Variants in ALPL observed in about 807,000 individuals in gnomAD.
ALPL encodes alkaline phosphatase, tissue-nonspecific isozyme.
ALPL carries 42 observed loss-of-function variants against 51.3 expected under a neutral mutation model. That is an observed-to-expected ratio of 0.82 (90% confidence interval 0.64 to 1.06). ALPL has a LOEUF of 1.06. ALPL is among the 50% of genes least tolerant of loss of function. The pLI is 0.00. For synonymous variants in ALPL, 279 were observed against 296.4 expected (o/e 0.94, Z 0.60); for missense variants, 589 against 709.4 (o/e 0.83, Z 1.93).
intron 4 of ALPL, among the ~76,000 whole-genome samples, chr1:21,562,001 A>T (rs1644492333): frequency 1.3e-5 from 2 of 152,132 alleles, no homozygotes; most frequent in African/African-American, 4.8e-5. Flanking sequence ...CAGTTCATTC[A>T]TTCTTTCCCG....
chr1:21,578,324 C>CA lies in ALPL; in HGVS notation c.*685dup, dbSNP rs960014457. 4.6e-5 allele frequency: 7 copies of CA among 151,752 alleles called. No individual in the cohort carries two copies. The highest frequency in any genetic ancestry group is 1.3e-4 in the Admixed American group (2 of 15,206). 9.4% of individuals were successfully genotyped at this position (151,752 alleles called of 1,614,324 possible). A position where few individuals can be genotyped will look rare whatever the true frequency, so the allele number is the denominator to read the frequency against. On this transcript the variant is annotated 3_prime_UTR_variant, in exon 12 of 12. Coordinates refer to ENST00000374840, the MANE Select transcript of ALPL (RefSeq NM_000478.6). This position sits in a 1 kb window ranked among gnomAD's most constrained non-coding sequence, Gnocchi z 4.2. Reference sequence around the variant, plus strand: ...GAAGCGACTCTCCTGTTTGGAACGGCAAAAAAAAATTTTTTTTTCTCTTTT... The same window carrying CA: ...GAAGCGACTCTCCTGTTTGGAACGGCAAAAAAAAAATTTTTTTTTCTCTTTT...
At chr1:21,554,857 CTT>C (rs1374934395) in intron 2 of ALPL, among the ~76,000 whole-genome samples, 3 of 135,476 alleles carry the variant, frequency 2.2e-5, no homozygotes, top group Non-Finnish European at 3.1e-5. Flanking sequence ...TTCTTTCTTT[CTT>C]TCTTTCTTTC....
intron 2 of ALPL, among the ~76,000 whole-genome samples, chr1:21,559,627 C>T (rs1030165745): frequency 6.6e-6 from 1 of 152,212 alleles, no homozygotes; most frequent in African/African-American, 2.4e-5. Context: ...TCAAGCAGTT[C>T]TCCTGCCTCA....
intron 1 of ALPL, among the ~76,000 whole-genome samples, chr1:21,546,016 A>T (rs1254643673): frequency 6.6e-6 from 1 of 151,768 alleles, no homozygotes; most frequent in Admixed American, 6.6e-5. Flanking sequence ...GGGTTTCATC[A>T]TGTTGGCCAG....
At chr1:21,516,737 CTATCAAGA>C (rs1273383900) in intron 1 of ALPL, among the ~76,000 whole-genome samples, 1 of 152,212 alleles carries the variant, frequency 6.6e-6, no homozygotes, top group African/African-American at 2.4e-5. Context: ...GTCTGTTAGC[CTATCAAGA>C]TATCAGAGAT....
chr1:21,522,729 G>A lies in ALPL; in HGVS notation c.-105+13212G>A, dbSNP rs543981184. Among the ~76,000 whole-genome samples, 5 of 152,226 alleles carry A rather than the reference G, an allele frequency of 3.3e-5. No individual in the cohort carries two copies. In the East Asian group the frequency reaches 9.7e-4, roughly 29 times the overall value. The stretch of plus-strand genomic sequence containing the variant: ...AATAGGTCTTCTGATCACCATCTGT[G>A]GGATAGGCGCCAATCATGATCTGAG... On this transcript the variant is annotated intron_variant, in intron 1 of 11. Transcript: ENST00000374840.
At chr1:21,514,738 T>C (rs962148219) in intron 1 of ALPL, among the ~76,000 whole-genome samples, 1 of 152,176 alleles carries the variant, frequency 6.6e-6, no homozygotes, top group Non-Finnish European at 1.5e-5. Flanking sequence ...CCCTGGTCCT[T>C]ACACCTGCAG....
chr1:21,563,079 C>T, intron 4 of ALPL, 31 bp from the exon 5 acceptor site: 1 of 1,613,036 alleles, frequency 6.2e-7, no homozygotes. Context: ...GAAGGCCTGG[C>T]CATCTCCTGA....
chr1:21,566,543 G>T (rs1644567517), intron 6 of ALPL, among the ~76,000 whole-genome samples: 1 of 151,680 alleles, frequency 6.6e-6, no homozygotes, highest in East Asian at 1.9e-4. Context: ...CGCCCGTTTT[G>T]GCCTCCCAAA....
chr1:21,532,039 T>A (rs1449268482), intron 1 of ALPL, among the ~76,000 whole-genome samples: 1 of 152,122 alleles, frequency 6.6e-6, no homozygotes, highest in Non-Finnish European at 1.5e-5. Flanking sequence ...GAGCCATATG[T>A]CTTCTCTCTC....
intron 1 of ALPL, among the ~76,000 whole-genome samples, chr1:21,519,293 A>T (rs1457626512): frequency 6.6e-6 from 1 of 152,224 alleles, no homozygotes; most frequent in Admixed American, 6.5e-5. Context: ...GCCCTGGTAC[A>T]GTCTAGCTTA....
intron 1 of ALPL, among the ~76,000 whole-genome samples, chr1:21,548,514 G>A (rs1003799135): frequency 2.6e-5 from 4 of 152,192 alleles, no homozygotes; most frequent in Non-Finnish European, 4.4e-5. Context: ...TGGTCTTTAC[G>A]TTCACAGAGC....
intron 1 of ALPL, among the ~76,000 whole-genome samples, chr1:21,511,819 A>G (rs1643693230): frequency 6.6e-6 from 1 of 152,106 alleles, no homozygotes; most frequent in Non-Finnish European, 1.5e-5. Flanking sequence ...TACATACCCA[A>G]CATTCCCTGC....
At chr1:21,534,072 C>A (rs528289109) in intron 1 of ALPL, among the ~76,000 whole-genome samples, 7 of 152,126 alleles carry the variant, frequency 4.6e-5, no homozygotes, top group Middle Eastern at 3.4e-3. Context: ...GCAGCCTAGA[C>A]CTCCTGGGCT....
intron 4 of ALPL, among the ~76,000 whole-genome samples, chr1:21,561,889 A>G (rs1297258771): frequency 6.6e-6 from 1 of 150,808 alleles, no homozygotes; most frequent in Non-Finnish European, 1.5e-5. Flanking sequence ...CTGGTCTCGA[A>G]CTCCTGACCC....
Position 21,563,139 on chromosome 1 carries a change from CAG to C in ALPL, c.328_329del (p.Ser110CysfsTer15). ...ACAACACCAATGCCCAGGTCCCTGA[CAG>C]TGCCGGCACCGCCACCGCCTACCTG... The part of the protein sequence containing the change: ...TYNTNAQVPD[S>X]AGTATAYLCG... On this transcript the variant is annotated frameshift_variant, in exon 5 of 12. Coordinates refer to ENST00000374840, the MANE Select transcript of ALPL (RefSeq NM_000478.6). LOFTEE classifies it high-confidence loss of function. 1 of 1,613,774 alleles carries C rather than the reference CAG, an allele frequency of 6.2e-7. No homozygotes were observed. The highest frequency in any genetic ancestry group is 8.5e-7 in the Non-Finnish European group (1 of 1,180,026).
intron 7 of ALPL, 70 bp downstream of exon 7, chr1:21,568,317 C>A: frequency 6.2e-7 from 1 of 1,605,590 alleles, no homozygotes; most frequent in South Asian, 1.1e-5. Flanking sequence ...GACCCCTGCT[C>A]TGAAGTTCTG....
rs1570311075 is a variant in ALPL at position 21,577,717 on chromosome 1, A to C, written c.*69A>C. On this transcript the variant is annotated 3_prime_UTR_variant, in exon 12 of 12. Coordinates refer to ENST00000374840, the MANE Select transcript of ALPL (RefSeq NM_000478.6). ...CTTCCCACACGGCAGCCCCCCCCTC[A>C]AGGGGCAGGGAGGTGGGGGCCTCCT... 6.5e-7 allele frequency: 1 copy of C among 1,538,578 alleles called. No homozygotes were observed. Among genetic ancestry groups the C allele is most frequent in the Non-Finnish European group, 8.7e-7 (1 of 1,146,828 alleles).
chr1:21,521,581 C>T (rs1209505841), intron 1 of ALPL, among the ~76,000 whole-genome samples: 1 of 152,194 alleles, frequency 6.6e-6, no homozygotes, highest in Non-Finnish European at 1.5e-5. Flanking sequence ...CTGGGTGTGA[C>T]TCTTGAGCCA....
Sources: allele counts gnomAD v4.1 joint callset (sites outside exome capture counted in the v4.1 genomes callset), GRCh38; gene constraint gnomAD v4.1.1; non-coding constraint Gnocchi (gnomAD v3.1); transcripts MANE v1.5; gene names NCBI Gene and HGNC (gene_info 2026-07-23, HGNC 2026-07-21).